REV1: variants seen among roughly 807,000 people sequenced by gnomAD.
The protein encoded by REV1 is REV1 DNA directed polymerase, also known as translesion synthesis protein REV1.
REV1 carries 42 observed loss-of-function variants against 137.4 expected under a neutral mutation model. The ratio of observed to expected loss-of-function variants is 0.31; its 90% confidence interval spans 0.24 to 0.40. REV1 has a LOEUF of 0.40. Ranked by LOEUF, REV1 falls within the 10% of genes least tolerant of loss-of-function variation. The probability of loss-of-function intolerance (pLI) is 1.00; values close to 1 mark genes in which losing one functional copy is unlikely to be tolerated. For missense variants in REV1, 1,282 were observed against 1,490.1 expected (o/e 0.86, Z 2.30); for synonymous variants, 524 against 519.2 (o/e 1.01, Z -0.12).
intron 19 of REV1, 59 bp from the exon 20 acceptor site, chr2:99,403,165 C>G: frequency 7.4e-7 from 1 of 1,359,558 alleles, no homozygotes; most frequent in Non-Finnish European, 1.0e-6. Flanking sequence ...GTCTGGATGA[C>G]AGTATTGGGT....
intron 1 of REV1, among the ~76,000 whole-genome samples, chr2:99,482,853 C>T (rs922812593): frequency 6.6e-6 from 1 of 151,842 alleles, no homozygotes; most frequent in African/African-American, 2.4e-5. Flanking sequence ...CCCGTCTCTA[C>T]TAAAAATACA....
intron 17 of REV1, 63 bp downstream of exon 17, chr2:99,405,847 G>A (rs1161909891): frequency 1.8e-6 from 2 of 1,124,130 alleles, no homozygotes; most frequent in African/African-American, 3.2e-5. Flanking sequence ...TTGTAAACTT[G>A]TATTTTTGTA....
chr2:99,473,784 C>T (rs1685681713), intron 1 of REV1, among the ~76,000 whole-genome samples: 1 of 152,204 alleles, frequency 6.6e-6, no homozygotes, highest in South Asian at 2.1e-4. Flanking sequence ...TGGCACACAG[C>T]ACTCTCCACA....
At chr2:99,442,182 G>A (rs1044742971) in intron 5 of REV1, 135 bp downstream of exon 5, 2 of 721,240 alleles carry the variant, frequency 2.8e-6, no homozygotes, top group Admixed American at 7.2e-5. Flanking sequence ...AACCTGGGAG[G>A]CAGAGGTTGC....
At chr2:99,426,071 C>T (rs780828091) in intron 9 of REV1, among the ~76,000 whole-genome samples, 23 of 149,628 alleles carry the variant, frequency 1.5e-4, no homozygotes, top group Non-Finnish European at 3.1e-4. Context: ...ATAGTCCAGG[C>T]GCGGTGGTAC....
chr2:99,459,043 C>T (rs1196283678), intron 3 of REV1, among the ~76,000 whole-genome samples: 1 of 152,072 alleles, frequency 6.6e-6, no homozygotes, highest in African/African-American at 2.4e-5. Context: ...CCCGTCTCTA[C>T]TAAAAATACA....
chr2:99,481,601 T>C (rs1233740686), intron 1 of REV1, among the ~76,000 whole-genome samples: 1 of 152,210 alleles, frequency 6.6e-6, no homozygotes, highest in Non-Finnish European at 1.5e-5. Flanking sequence ...CAGTGGCACA[T>C]GCCTGTATAC....
intron 1 of REV1, among the ~76,000 whole-genome samples, chr2:99,476,030 T>G (rs551338139): frequency 6.6e-6 from 1 of 152,122 alleles, no homozygotes. Flanking sequence ...ATTCTACACA[T>G]CTAGTTTTAA....
intron 8 of REV1, chr2:99,431,912 T>C (rs1003611616): frequency 2.8e-5 from 28 of 985,142 alleles, no homozygotes; most frequent in African/African-American, 3.5e-5. Flanking sequence ...GGAGGAACGG[T>C]TGGAGAAATC....
intron 8 of REV1, among the ~76,000 whole-genome samples, chr2:99,432,559 G>A (rs1018909268): frequency 6.6e-6 from 1 of 152,064 alleles, no homozygotes; most frequent in African/African-American, 2.4e-5. Flanking sequence ...CAAATATTCT[G>A]GTGAGCTCCT....
intron 4 of REV1, among the ~76,000 whole-genome samples, chr2:99,446,740 A>G (rs1332692291): frequency 6.6e-6 from 1 of 151,972 alleles, no homozygotes; most frequent in Non-Finnish European, 1.5e-5. Context: ...TGATCCACCC[A>G]CCTTGGCCTC....
At chr2:99,424,824 G>A (rs1679125114) in intron 9 of REV1, 2 of 1,304,060 alleles carry the variant, frequency 1.5e-6, no homozygotes, top group African/African-American at 3.0e-5. Context: ...CTCCACAGTG[G>A]TTGAGATGCC....
At chr2:99,475,458 T>A (rs1685867123) in intron 1 of REV1, among the ~76,000 whole-genome samples, 1 of 152,224 alleles carries the variant, frequency 6.6e-6, no homozygotes, top group Non-Finnish European at 1.5e-5. Context: ...GGTCTTTGAA[T>A]AAATTTTGCT....
intron 12 of REV1, 135 bp from the exon 13 acceptor site, chr2:99,413,086 G>T: frequency 1.5e-6 from 1 of 664,980 alleles, no homozygotes; most frequent in Non-Finnish European, 2.5e-6. Context: ...CATAACTGAA[G>T]CATCCACAGG....
intron 8 of REV1, 26 bp downstream of exon 8, chr2:99,434,306 A>G (rs761684531): frequency 4.0e-6 from 6 of 1,485,322 alleles, no homozygotes; most frequent in Non-Finnish European, 4.6e-6. Flanking sequence ...AGGAGCACTA[A>G]GACTTCAAAG....
chr2:99,483,980 C>A (rs998894252), intron 1 of REV1, among the ~76,000 whole-genome samples: 4 of 152,038 alleles, frequency 2.6e-5, no homozygotes, highest in Non-Finnish European at 5.9e-5. Context: ...GATATTCTTA[C>A]AAATTAAAAA....
At chr2:99,442,049 C>T (rs1274273617) in intron 5 of REV1, among the ~76,000 whole-genome samples, 1 of 151,424 alleles carries the variant, frequency 6.6e-6, no homozygotes, top group African/African-American at 2.4e-5. Flanking sequence ...GCCAGGAGTT[C>T]GAGACCAGCC....
Position 99,418,830 on chromosome 2 carries a change from G to A in REV1, c.1949C>T (p.Pro650Leu), listed in dbSNP as rs370897058. Residue 650 changes from proline to leucine, a missense_variant and splice_region_variant, in exon 12 of 23, where the codon CCA becomes CTA. By Grantham distance (98) the Pro-to-Leu change is moderately conservative. Transcript: ENST00000258428. ...ATTGTTAAAATATTTCTATTTACCT[G>A]GTAGATTGGTCACTAGCTGGCCTCT... The part of the protein sequence containing the change: ...FIRGQLVTNL[P>L]GVGHSMESKL... The A allele has an allele frequency of 6.2e-7, 1 of 1,609,680 alleles. No homozygotes were observed. Among genetic ancestry groups the A allele is most frequent in the Non-Finnish European group, 8.5e-7 (1 of 1,176,496 alleles).
chr2:99,401,473 G>T, intron 22 of REV1, 121 bp from the exon 23 acceptor site: 2 of 609,122 alleles, frequency 3.3e-6, no homozygotes, highest in Non-Finnish European at 5.4e-6. Context: ...GGCCAGGTGC[G>T]GTGTGGCTCA....
Sources: allele counts gnomAD v4.1 joint callset (sites outside exome capture counted in the v4.1 genomes callset), GRCh38; gene constraint gnomAD v4.1.1; transcripts MANE v1.5; gene names NCBI Gene and HGNC (gene_info 2026-07-23, HGNC 2026-07-21).